The following BSG variants were observed in gnomAD, a reference collection of about 807,000 sequenced individuals.
BSG encodes the protein basigin (Ok blood group), also known as basigin.
In BSG, 37 loss-of-function variants were observed where a neutral mutation model predicts 43.1. The observed-to-expected ratio is 0.86, with a 90% CI of 0.66 to 1.13. BSG has a LOEUF of 1.13. BSG is among the 50% of genes most tolerant of loss of function. The probability of loss-of-function intolerance (pLI) is 0.00; values close to 1 mark genes in which losing one functional copy is unlikely to be tolerated. For missense variants in BSG, 599 were observed against 554.2 expected (o/e 1.08, Z -0.81); for synonymous variants, 309 against 238.7 (o/e 1.29, Z -2.72).
upstream of BSG, chr19:571,501 G>C (rs751538766): frequency 1.3e-6 from 1 of 778,646 alleles, no homozygotes; most frequent in East Asian, 2.4e-5. Flanking sequence ...CTGGGTTTAC[G>C]CGTCACCTCG....
rs143543245 is a variant in BSG, at chr19:579,944, C to T, written c.572+288C>T. ...CACTGCCAGGTCCCGGGCACGTGTG[C>T]GGGCCTCCCAGGCTCTGTGCTCCTG... On this transcript the variant is annotated intron_variant, in intron 3 of 8. Transcript: ENST00000333511. 478 of 466,854 alleles carry T rather than the reference C, an allele frequency of 1.0e-3. 4 individuals carry two copies. The highest frequency in any genetic ancestry group is 8.6e-3 in the African/African-American group (436 of 50,600). The allele number at this position is 466,854 out of a possible 1,614,324, so 28.9% of individuals were successfully genotyped here. A position where few individuals can be genotyped will look rare whatever the true frequency, so the allele number is the denominator to read the frequency against.
chr19:574,227 CCTGGGTAACAGGGAGACT>C (rs1183651621), intron 1 of BSG, among the ~76,000 whole-genome samples: 2 of 146,038 alleles, frequency 1.4e-5, no homozygotes, highest in Non-Finnish European at 3.0e-5. Context: ...TGCACTCCAG[CCTGGGTAACAGGGAGACT>C]CTGTCTTTAA....
chr19:574,513 A>G (rs1170981658), intron 1 of BSG, among the ~76,000 whole-genome samples: 1 of 151,880 alleles, frequency 6.6e-6, no homozygotes, highest in East Asian at 1.9e-4. Flanking sequence ...AGATCGCGCC[A>G]TTGCACTCCA....
chr19:580,856 C>A lies in BSG; in HGVS notation c.792+74C>A, dbSNP rs879167050. The A allele has an allele frequency of 4.5e-5, 57 of 1,255,580 alleles. 4 individuals carry two copies. In the South Asian group the frequency reaches 9.5e-4, roughly 21 times the overall value. The allele number at this position is 1,255,580 out of a possible 1,614,324, so 77.8% of individuals were successfully genotyped here. ...GGTGAGAGGCCTAGACTGGGGGTCC[C>A]GGACCCAGCCCTCAGGACTGGGTGA... is the stretch of plus-strand genomic sequence containing the variant. On this transcript the variant is annotated intron_variant, in intron 5 of 8. Transcript: ENST00000333511.
chr19:579,816 G>A, intron 3 of BSG, 160 bp downstream of exon 3: 1 of 1,104,288 alleles, frequency 9.1e-7, no homozygotes, highest in Non-Finnish European at 1.2e-6. Context: ...AAACCCCAGG[G>A]AGGGGTCTGA....
chr19:575,757 C>T (rs970313414), intron 1 of BSG, among the ~76,000 whole-genome samples: 3 of 152,094 alleles, frequency 2.0e-5, no homozygotes, highest in South Asian at 2.1e-4. Context: ...ACATGGGTTA[C>T]GTCTCATGTG....
At position 577,331 on chromosome 19, in the gene BSG, G is replaced by C. The variant is rs530577828; in HGVS notation, c.68-443G>C. On this transcript the variant is annotated intron_variant, in intron 1 of 8. Coordinates refer to ENST00000333511, the MANE Select transcript of BSG (RefSeq NM_001728.4). ...CTGTCCTAACGGAGCCGGGCTAGGG[G>C]CTTCTGGACAGAGGCCGCCTGCCCC... 6.6e-5 allele frequency among the ~76,000 whole-genome samples: 10 copies of C among 152,300 alleles called. No homozygotes were observed. In the South Asian group the frequency reaches 2.1e-3, roughly 32 times the overall value.
In BSG at chr19:578,095, C is replaced by A; in HGVS notation, c.389C>A (p.Ala130Asp). 1 of 1,592,634 alleles carries A rather than the reference C, an allele frequency of 6.3e-7. No homozygotes were observed. Among genetic ancestry groups the A allele is most frequent in the South Asian group, 1.1e-5 (1 of 89,392 alleles). ...TRAPRVKWVR[A>D]QAVVLVLEPG... is the part of the protein sequence containing the mutation. The stretch of plus-strand genomic sequence containing the variant: ...GCGCCCAGGGTCAAGTGGGTCCGCG[C>A]CCAGGCAGTCGTGCTAGTCCTGGAA... The change falls in exon 2 of 9, where the codon GCC (alanine) becomes GAC (aspartate). Residue 130 changes from alanine (A) to aspartate (D), a missense_variant. Ala to Asp is a moderately radical substitution (Grantham distance 126). Transcript: ENST00000333511.
At chr19:571,837 C>T (rs1981265241), upstream of BSG, 4 of 536,106 alleles carry the variant, frequency 7.5e-6, no homozygotes, top group East Asian at 1.2e-4. Flanking sequence ...TTGGCTAAAA[C>T]TTAAAACTTT....
At chr19:574,425 C>G (rs1025127087) in intron 1 of BSG, among the ~76,000 whole-genome samples, 2 of 152,030 alleles carry the variant, frequency 1.3e-5, no homozygotes, top group African/African-American at 4.8e-5. Context: ...TGGTGGCGGG[C>G]GCCTGTAGTC....
chr19:582,614 G>T (rs1298961751), intron 8 of BSG, 32 bp downstream of exon 8: 1 of 1,413,876 alleles, frequency 7.1e-7, no homozygotes. Flanking sequence ...CCTGAGCCAG[G>T]TGTGGTGGGT....
Position 581,575 on chromosome 19 carries a change from C to A in BSG, c.1053C>A (p.Pro351=). 1 of 1,594,902 alleles carries A rather than the reference C, an allele frequency of 6.3e-7. No homozygotes were observed. Among genetic ancestry groups the A allele is most frequent in the East Asian group, 2.3e-5 (1 of 43,948 alleles). The change falls in exon 6 of 9, where the codon CCC becomes CCA. Residue 351 remains proline, a synonymous_variant. Coordinates refer to ENST00000333511, the MANE Select transcript of BSG (RefSeq NM_001728.4). ...TCATCTACGAGAAGCGCCGGAAGCC[C>A]GAGGACGTCCTGGATGGTGAGCCGT... ...IIFIYEKRRK[P]EDVLDDDDAG... is the part of the protein sequence containing the mutation.
chr19:579,521 TAGA>T lies in BSG; in HGVS notation c.441_443del (p.Glu147del). The T allele has an allele frequency of 6.2e-7, 1 of 1,612,692 alleles. No individual in the cohort carries two copies. The highest frequency in any genetic ancestry group is 8.5e-7 in the Non-Finnish European group (1 of 1,179,906). ...GCAGCCGGCACAGTCTTCACTACCG[TAGA>T]AGACCTTGGCTCCAAGATACTCCTC... On this transcript the variant is annotated inframe_deletion, in exon 3 of 9. Transcript: ENST00000333511.
At chr19:580,841 C>T (rs28992476) in intron 5 of BSG, 59 bp downstream of exon 5, 27,041 of 1,266,306 alleles carry the variant, frequency 0.021, 1,897 homozygotes, top group Middle Eastern at 0.074. Flanking sequence ...GGTGAGAGGC[C>T]TAGACTGGGG....
chr19:576,929 G>A (rs1981826726), intron 1 of BSG, among the ~76,000 whole-genome samples: 2 of 150,558 alleles, frequency 1.3e-5, no homozygotes, highest in Non-Finnish European at 2.9e-5. Flanking sequence ...ATGCACGTGT[G>A]TATGTGTTGT....
At position 578,110 on chromosome 19, in the gene BSG, T is replaced by C; in HGVS notation, c.404T>C (p.Leu135Pro). 6.3e-7 allele frequency: 1 copy of C among 1,579,442 alleles called. No homozygotes were observed. Among genetic ancestry groups the C allele is most frequent in the Non-Finnish European group, 8.6e-7 (1 of 1,159,254 alleles). ...VKWVRAQAVV[L>P]VLEPGTVFTT... ...TGGGTCCGCGCCCAGGCAGTCGTGC[T>C]AGTCCTGGAACGTGAGTGGCGGGCA... Residue 135 changes from leucine to proline, a missense_variant, in exon 2 of 9, where the codon CTA becomes CCA. By Grantham distance (98) the Leu-to-Pro change is moderately conservative. Transcript: ENST00000333511.
In BSG at chr19:583,050, G is replaced by C; in HGVS notation, c.*306G>C. The C allele has an allele frequency of 1.1e-5, 2 of 179,468 alleles. No homozygotes were observed. Among genetic ancestry groups the C allele is most frequent in the Non-Finnish European group, 2.4e-5 (2 of 83,816 alleles). The allele number at this position is 179,468 out of a possible 1,614,324, so 11.1% of individuals were successfully genotyped here. A position where few individuals can be genotyped will look rare whatever the true frequency, so the allele number is the denominator to read the frequency against. On this transcript the variant is annotated 3_prime_UTR_variant, in exon 9 of 9. Transcript: ENST00000333511. ...GGCGGCACAGCCTTCTCCACTGGCCGGAGTCAGTGCCAGGTCCTTGCCCTT... is the reference window on the plus strand; with the variant it reads ...GGCGGCACAGCCTTCTCCACTGGCCCGAGTCAGTGCCAGGTCCTTGCCCTT...
chr19:572,726 G>T, intron 1 of BSG, 25 bp downstream of exon 1: 3 of 1,460,628 alleles, frequency 2.1e-6, no homozygotes. Context: ...GGGGGCGGGG[G>T]TGCGGTCCTG....
intron 3 of BSG, 69 bp from the exon 4 acceptor site, chr19:580,310 G>A: frequency 6.9e-7 from 1 of 1,453,936 alleles, no homozygotes; most frequent in Non-Finnish European, 9.5e-7. Context: ...TGGGCCCCTG[G>A]AGAACCCTGG....
Sources: allele counts gnomAD v4.1 joint callset (sites outside exome capture counted in the v4.1 genomes callset), GRCh38; gene constraint gnomAD v4.1.1; transcripts MANE v1.5; gene names NCBI Gene and HGNC (gene_info 2026-07-23, HGNC 2026-07-21).